The following SEC23A variants were observed in gnomAD, a reference collection of about 807,000 sequenced individuals.
SEC23A encodes SEC23 homolog A, COPII component.
SEC23A carries 56 observed loss-of-function variants against 103.7 expected under a neutral mutation model. That is an observed-to-expected ratio of 0.54 (90% CI 0.44 to 0.67). SEC23A has a LOEUF of 0.67. SEC23A is among the 30% of genes least tolerant of loss of function. The probability of loss-of-function intolerance (pLI) is 0.00; values close to 1 mark genes in which losing one functional copy is unlikely to be tolerated. For missense variants in SEC23A, 784 were observed against 936.4 expected (o/e 0.84, Z 2.12); for synonymous variants, 281 against 293.0 (o/e 0.96, Z 0.42).
chr14:39,100,000 A>T (rs546054295), intron 1 of SEC23A, among the ~76,000 whole-genome samples: 11 of 152,302 alleles, frequency 7.2e-5, no homozygotes, highest in African/African-American at 2.6e-4. Context: ...ACACACAGAC[A>T]ATAGCCAGGT....
At chr14:39,073,876 G>A (rs1388453491) in intron 9 of SEC23A, among the ~76,000 whole-genome samples, 1 of 152,066 alleles carries the variant, frequency 6.6e-6, no homozygotes, top group Non-Finnish European at 1.5e-5. Flanking sequence ...CCAAAGTGCT[G>A]GGATTACAAG....
chr14:39,084,880 G>A (rs1432904923), intron 7 of SEC23A, among the ~76,000 whole-genome samples: 6 of 151,986 alleles, frequency 3.9e-5, no homozygotes, highest in Admixed American at 6.6e-5. Context: ...CATATTGGCC[G>A]TGCTAGTCTC....
intron 15 of SEC23A, chr14:39,047,447 A>G (rs1885877580): frequency 7.8e-6 from 10 of 1,277,122 alleles, no homozygotes; most frequent in Middle Eastern, 2.2e-4. Context: ...CTCTGTAAGC[A>G]TGGAGTTTCT....
At chr14:39,064,205 C>T (rs941000637) in intron 11 of SEC23A, among the ~76,000 whole-genome samples, 9 of 152,008 alleles carry the variant, frequency 5.9e-5, no homozygotes, top group Admixed American at 3.3e-4. Context: ...ACCTTTACCA[C>T]GCAAACTGCT....
chr14:39,042,849 G>A lies in SEC23A; in HGVS notation c.1923C>T (p.Ser641=). ...TGAGAAGAATACGATCTGCAAGAAT[G>A]CTACTGCTATCAAGAAGAACCGGCT... ...PPEPVLLDSS[S]ILADRILLMD... The change falls in exon 17 of 20, where the codon AGC becomes AGT. Residue 641 remains serine, a synonymous_variant. Coordinates refer to ENST00000307712, the MANE Select transcript of SEC23A (RefSeq NM_006364.4). The A allele has an allele frequency of 1.2e-6, 2 of 1,612,188 alleles. No homozygotes were observed. Among genetic ancestry groups the A allele is most frequent in the Non-Finnish European group, 1.7e-6 (2 of 1,178,426 alleles).
At chr14:39,046,201 G>T (rs1226688043) in intron 15 of SEC23A, among the ~76,000 whole-genome samples, 5 of 152,182 alleles carry the variant, frequency 3.3e-5, no homozygotes, top group Non-Finnish European at 7.3e-5. Flanking sequence ...GGGCATGGTG[G>T]CTCACGCTTG....
intron 9 of SEC23A, among the ~76,000 whole-genome samples, chr14:39,070,468 C>T (rs964653344): frequency 1.3e-5 from 2 of 152,180 alleles, no homozygotes; most frequent in South Asian, 4.1e-4. Flanking sequence ...AAATCCTCAA[C>T]AAAATGACAG....
intron 14 of SEC23A, among the ~76,000 whole-genome samples, chr14:39,049,940 T>C (rs961024111): frequency 3.3e-5 from 5 of 151,962 alleles, no homozygotes; most frequent in African/African-American, 1.2e-4. Context: ...AGCTAATTTT[T>C]TGTATTTTTA....
chr14:39,094,458 T>C (rs1273120915), intron 2 of SEC23A, among the ~76,000 whole-genome samples: 1 of 118,042 alleles, frequency 8.5e-6, no homozygotes, highest in Non-Finnish European at 1.7e-5. Flanking sequence ...TTTTTTTTTT[T>C]TTCCCCTCCT....
Position 39,059,278 on chromosome 14 carries a change from T to TAAAAAAAAAAAAAAAAAAAAAAAA in SEC23A, c.1505+2463_1505+2486dup, listed in dbSNP as rs750853379. On this transcript the variant is annotated intron_variant, in intron 13 of 19. Coordinates refer to ENST00000307712, the MANE Select transcript of SEC23A (RefSeq NM_006364.4). ...GGCCCCTAAAGTCATAGTCCTAGTT[T>TAAAAAAAAAAAAAAAAAAAAAAAA]AAAAAAAAAAAAAAAAAAAAAAAAA... is the stretch of plus-strand genomic sequence containing the variant. 7.0e-5 allele frequency among the ~76,000 whole-genome samples: 5 copies of TAAAAAAAAAAAAAAAAAAAAAAAA among 71,832 alleles called. 1 individual carries two copies. The highest frequency in any genetic ancestry group is 2.6e-4 in the African/African-American group (5 of 19,502). The allele number at this position is 71,832 out of a possible 152,430, so 47.1% of individuals were successfully genotyped here. A position where few individuals can be genotyped will look rare whatever the true frequency, so the allele number is the denominator to read the frequency against.
chr14:39,076,606 T>C (rs764177657), intron 7 of SEC23A, among the ~76,000 whole-genome samples: 18 of 151,674 alleles, frequency 1.2e-4, no homozygotes, highest in Non-Finnish European at 1.9e-4. Context: ...TTGTTTTTGA[T>C]GTTTAGAACA....
intron 7 of SEC23A, among the ~76,000 whole-genome samples, chr14:39,082,813 G>A (rs1038503951): frequency 6.6e-6 from 1 of 152,066 alleles, no homozygotes; most frequent in African/African-American, 2.4e-5. Flanking sequence ...ATCAAATTAC[G>A]AGAATACTTC....
chr14:39,060,210 A>C (rs565844430), intron 13 of SEC23A, among the ~76,000 whole-genome samples: 1 of 152,146 alleles, frequency 6.6e-6, no homozygotes, highest in African/African-American at 2.4e-5. Context: ...ATCTAAGGGA[A>C]GGTTCAGCTG....
chr14:39,054,384 C>T (rs552922492), intron 14 of SEC23A, among the ~76,000 whole-genome samples: 1 of 152,082 alleles, frequency 6.6e-6, no homozygotes, highest in African/African-American at 2.4e-5. Flanking sequence ...CTACTAATAA[C>T]TTTATTAGCA....
intron 14 of SEC23A, among the ~76,000 whole-genome samples, chr14:39,053,096 C>T (rs1886123002): frequency 6.6e-6 from 1 of 152,164 alleles, no homozygotes; most frequent in Non-Finnish European, 1.5e-5. Context: ...GGTTGCACCA[C>T]TGCACTCCAG....
At chr14:39,099,980 G>C (rs1888027279) in intron 1 of SEC23A, among the ~76,000 whole-genome samples, 1 of 152,002 alleles carries the variant, frequency 6.6e-6, no homozygotes, top group African/African-American at 2.4e-5. Context: ...GTCTTAGCAG[G>C]AAGACATTCA....
intron 10 of SEC23A, 113 bp downstream of exon 10, chr14:39,067,060 A>G: frequency 1.5e-6 from 2 of 1,335,704 alleles, no homozygotes; most frequent in Non-Finnish European, 2.1e-6. Context: ...ATATAAAATA[A>G]CCACAATTTT....
Position 39,065,997 on chromosome 14 carries a change from C to CAAA in SEC23A, c.1228-1007_1228-1005dup, listed in dbSNP as rs59260008. On this transcript the variant is annotated intron_variant, in intron 10 of 19. Coordinates refer to ENST00000307712, the MANE Select transcript of SEC23A (RefSeq NM_006364.4). The stretch of plus-strand genomic sequence containing the variant: ...GGGCAATAAGAGCGAAACTCCATCT[C>CAAA]AAAAAAAAAAAAAAAAAAAAAAAAA... 8.1e-4 allele frequency among the ~76,000 whole-genome samples: 65 copies of CAAA among 80,482 alleles called. 8 individuals carry two copies. The highest frequency in any genetic ancestry group is 3.2e-3 in the African/African-American group (62 of 19,110). 52.8% of individuals were successfully genotyped at this position (80,482 alleles called of 152,430 possible).
At chr14:39,063,227 A>G in intron 12 of SEC23A, 97 bp downstream of exon 12, 7 of 753,988 alleles carry the variant, frequency 9.3e-6, no homozygotes, top group Non-Finnish European at 1.2e-5. Flanking sequence ...GGTTATATCT[A>G]CTATAGGAAA....
Sources: gnomAD v4.1 joint callset for allele counts (sites outside exome capture counted in the v4.1 genomes callset) on GRCh38, gnomAD v4.1.1 for gene constraint, MANE v1.5 for transcripts, NCBI Gene and HGNC (gene_info 2026-07-23, HGNC 2026-07-21) for gene names.